Variants in DMD observed in about 807,000 individuals in gnomAD.
The protein encoded by DMD is dystrophin.
DMD carries 63 observed loss-of-function variants against 330.1 expected under a neutral mutation model. The observed-to-expected ratio is 0.19, with a 90% CI of 0.16 to 0.24. The LOEUF is 0.24. Ranked by LOEUF, DMD falls within the 10% of genes least tolerant of loss-of-function variation. DMD has a pLI of 1.00. For missense variants in DMD, 3,344 were observed against 2,684.1 expected, an observed-to-expected ratio of 1.25 and a Z score of -5.43; for synonymous variants, 1,223 against 959.8, an observed-to-expected ratio of 1.27 and a Z score of -5.07.
intron 17 of DMD, among the ~76,000 whole-genome samples, chrX:32,541,277 T>C (rs887769930): frequency 6.3e-5 from 7 of 110,896 alleles, no homozygotes; most frequent in Non-Finnish European, 3.8e-5. Context: ...TCCACCACCA[T>C]CATCATCATC....
intron 39 of DMD, among the ~76,000 whole-genome samples, chrX:32,343,823 T>G (rs1248719556): frequency 8.9e-6 from 1 of 112,028 alleles, no homozygotes; most frequent in East Asian, 2.8e-4. Flanking sequence ...TAAAGCCATT[T>G]TAGTTGTCTT....
At chrX:32,932,216 T>C (rs1373675602) in intron 2 of DMD, among the ~76,000 whole-genome samples, 1 of 112,345 alleles carries the variant, frequency 8.9e-6, no homozygotes, top group Non-Finnish European at 1.9e-5. Flanking sequence ...AGGAATTGTA[T>C]TTTGTAAGGT....
chrX:32,842,839 G>A (rs182194681), intron 4 of DMD, among the ~76,000 whole-genome samples: 377 of 109,647 alleles, frequency 3.4e-3, no homozygotes, highest in Non-Finnish European at 5.5e-3. Flanking sequence ...ATGGAATCTC[G>A]CTCTGCCTCC....
At chrX:32,207,439 T>C (rs2097074857) in intron 44 of DMD, among the ~76,000 whole-genome samples, 1 of 111,822 alleles carries the variant, frequency 8.9e-6, no homozygotes, top group Non-Finnish European at 1.9e-5. Context: ...TTTTGTTCAT[T>C]ACAAATTATT....
chrX:32,919,841 C>T (rs780211895), intron 2 of DMD, among the ~76,000 whole-genome samples: 1 of 111,350 alleles, frequency 9.0e-6, no homozygotes, highest in Non-Finnish European at 1.9e-5. Context: ...CCTTCTTTCC[C>T]TCAGAGGGCT....
At chrX:32,397,995 A>T (rs1478691786) in intron 30 of DMD, among the ~76,000 whole-genome samples, 1 of 111,279 alleles carries the variant, frequency 9.0e-6, no homozygotes, top group African/African-American at 3.3e-5. Flanking sequence ...CCACTGTTAG[A>T]TTAGTAATTT....
chrX:32,143,200 A>T (rs2096761817), intron 44 of DMD, among the ~76,000 whole-genome samples: 1 of 111,660 alleles, frequency 9.0e-6, no homozygotes, highest in African/African-American at 3.3e-5. Context: ...ATGGAATTAA[A>T]TGCCATTGCT....
chrX:31,273,802 C>T (rs2051865310), intron 62 of DMD, among the ~76,000 whole-genome samples: 2 of 111,699 alleles, frequency 1.8e-5, no homozygotes, highest in Admixed American at 1.9e-4. Context: ...AGTGTCCAGA[C>T]CAATTCTACC....
At chrX:32,423,123 C>A (rs1188119555) in intron 29 of DMD, among the ~76,000 whole-genome samples, 1 of 110,422 alleles carries the variant, frequency 9.1e-6, no homozygotes, top group Non-Finnish European at 1.9e-5. Flanking sequence ...GCTACTTTAT[C>A]AATCCATACT....
intron 42 of DMD, among the ~76,000 whole-genome samples, chrX:32,288,498 T>C (rs1008300818): frequency 2.7e-5 from 3 of 111,659 alleles, no homozygotes; most frequent in African/African-American, 9.8e-5. Flanking sequence ...ATCTGGGTTA[T>C]AGAACTACCT....
At chrX:31,578,863 T>G (rs1172141438) in intron 55 of DMD, among the ~76,000 whole-genome samples, 1 of 112,443 alleles carries the variant, frequency 8.9e-6, no homozygotes, top group Non-Finnish European at 1.9e-5. Context: ...CGTATCTTGT[T>G]GAAAATTATG....
rs183443106 is a variant in DMD at position 31,712,871 on chromosome X, C to T, written c.7660+16760G>A. Among the ~76,000 whole-genome samples the T allele has an allele frequency of 5.3e-4, 59 of 111,276 alleles. No individual in the cohort carries two copies. The South Asian group carries it at 0.01, about 19-fold the overall frequency. ...AAGGAAACAAAGTCCTGCTCCATAT[C>T]GAGACATTAAAATTAGAATATCCAG... is the stretch of plus-strand genomic sequence containing the variant. On this transcript the variant is annotated intron_variant, in intron 52 of 78. Coordinates refer to ENST00000357033, the MANE Select transcript of DMD (RefSeq NM_004006.3).
rs59651750 is a variant in DMD, at chrX:31,530,590, G to T, written c.8218-23137C>A. Among the ~76,000 whole-genome samples, 102 of 104,558 alleles carry T rather than the reference G, an allele frequency of 9.8e-4. No homozygotes were observed. The East Asian group carries it at 0.03, about 31-fold the overall frequency. 90.8% of individuals were successfully genotyped at this position (104,558 alleles called of 115,157 possible). On this transcript the variant is annotated intron_variant, in intron 55 of 78. Transcript: ENST00000357033. ...GAGAACATCAAAGAAGGCTAATAAT[G>T]AGAGTCAAGCAGTGGGTAACCTTGG... is the stretch of plus-strand genomic sequence containing the variant.
intron 1 of DMD, among the ~76,000 whole-genome samples, chrX:33,155,334 T>C (rs1160513650): frequency 9.3e-6 from 1 of 107,767 alleles, no homozygotes; most frequent in Non-Finnish European, 1.9e-5. Flanking sequence ...TTTTTTTTTT[T>C]AGACAGAGTC....
chrX:31,334,101 T>C (rs1436815945), intron 61 of DMD, among the ~76,000 whole-genome samples: 2 of 111,860 alleles, frequency 1.8e-5, no homozygotes, highest in Non-Finnish European at 3.8e-5. Flanking sequence ...CCCAGCTAAC[T>C]TTTGTATTTT....
intron 54 of DMD, among the ~76,000 whole-genome samples, chrX:31,653,843 G>A (rs1340601112): frequency 9.0e-6 from 1 of 111,507 alleles, no homozygotes; most frequent in African/African-American, 3.3e-5. Flanking sequence ...TAAGGACTAC[G>A]ATAAGGAAAA....
intron 16 of DMD, among the ~76,000 whole-genome samples, chrX:32,546,453 G>A (rs763849526): frequency 9.1e-6 from 1 of 110,455 alleles, no homozygotes; most frequent in African/African-American, 3.3e-5. Context: ...TAATCTCCCT[G>A]CCTCATACAC....
intron 7 of DMD, among the ~76,000 whole-genome samples, chrX:32,782,098 T>G (rs1388481930): frequency 8.9e-6 from 1 of 111,734 alleles, no homozygotes; most frequent in African/African-American, 3.3e-5. Context: ...TTGAATACAA[T>G]CTAATGAAAA....
At chrX:32,692,094 A>G (rs947228716) in intron 9 of DMD, among the ~76,000 whole-genome samples, 3 of 112,257 alleles carry the variant, frequency 2.7e-5, no homozygotes, top group African/African-American at 9.7e-5. Context: ...TTGTACCTAT[A>G]CTGAACAATG....
Sources: gnomAD v4.1 joint callset for allele counts (sites outside exome capture counted in the v4.1 genomes callset) on GRCh38, gnomAD v4.1.1 for gene constraint, MANE v1.5 for transcripts, NCBI Gene and HGNC (gene_info 2026-07-23, HGNC 2026-07-21) for gene names.